The following FBRSL1 variants were observed in gnomAD, a reference collection of about 807,000 sequenced individuals.
FBRSL1 encodes fibrosin-1-like protein.
Under a neutral mutation model 89.6 loss-of-function variants are expected in FBRSL1, and 51 were observed. The observed-to-expected ratio is 0.57, with a 90% CI of 0.45 to 0.72. The LOEUF (loss-of-function observed/expected upper bound fraction) is 0.72, where lower values mean the gene tolerates loss of function less well. Among genes scored for constraint, FBRSL1 ranks in the 30% least tolerant of loss-of-function variants. The pLI is 0.00. For synonymous variants in FBRSL1, 779 were observed against 681.1 expected (o/e 1.14, Z -2.24); for missense variants, 1,618 against 1,451.8 (o/e 1.11, Z -1.86).
At chr12:132,559,588 T>TGG (rs200424512) in intron 5 of FBRSL1, among the ~76,000 whole-genome samples, 2 of 150,756 alleles carry the variant, frequency 1.3e-5, no homozygotes, top group African/African-American at 4.9e-5. Flanking sequence ...CGGGCGGGGG[T>TGG]GGGGGGTCTT....
intron 1 of FBRSL1, among the ~76,000 whole-genome samples, chr12:132,497,923 C>G (rs766268723): frequency 1.3e-5 from 2 of 152,188 alleles, no homozygotes; most frequent in African/African-American, 2.4e-5. Context: ...CTAGAGACCC[C>G]TCGGGCCTGG....
At chr12:132,576,718 C>T (rs1380346674) in intron 14 of FBRSL1, 81 bp from the exon 15 acceptor site, 1 of 1,473,778 alleles carries the variant, frequency 6.8e-7, no homozygotes, top group East Asian at 2.5e-5. Flanking sequence ...ACACCCAGTC[C>T]CTGTGGCCCC....
In FBRSL1 at chr12:132,520,361, T is replaced by C. The variant is rs993831434; in HGVS notation, c.490-5373T>C. On this transcript the variant is annotated intron_variant, in intron 2 of 18. Coordinates refer to ENST00000680143, the MANE Select transcript of FBRSL1 (RefSeq NM_001367871.1). The stretch of plus-strand genomic sequence containing the variant: ...CCCAGGGCTCTCCCATCTCTTTCTT[T>C]GCAGATGGCAATTTTCCCGAGGCAG... 2.6e-5 allele frequency among the ~76,000 whole-genome samples: 4 copies of C among 152,170 alleles called. No homozygotes were observed. In the East Asian group the frequency reaches 7.7e-4, roughly 29 times the overall value.
At position 132,547,856 on chromosome 12, in the gene FBRSL1, G is replaced by A. The variant is rs544496319; in HGVS notation, c.616-147G>A. The A allele has an allele frequency of 5.5e-4, 433 of 792,140 alleles. 6 individuals are homozygous for A. In the Middle Eastern group the frequency reaches 6.8e-3, roughly 12 times the overall value. The allele number at this position is 792,140 out of a possible 1,614,324, so 49.1% of individuals were successfully genotyped here. A position where few individuals can be genotyped will look rare whatever the true frequency, so the allele number is the denominator to read the frequency against. ...GGCCCAGGTTCCTCCTAACCGCCCC[G>A]ACCACCTGGGCCTGCTGGTACCTCC... On this transcript the variant is annotated intron_variant, in intron 4 of 18. Transcript: ENST00000680143.
At chr12:132,519,636 C>T (rs1029058964) in intron 2 of FBRSL1, among the ~76,000 whole-genome samples, 6 of 152,196 alleles carry the variant, frequency 3.9e-5, no homozygotes, top group Non-Finnish European at 8.8e-5. Context: ...CCTGGCTGGG[C>T]GCGGTGGCTC....
In FBRSL1 at chr12:132,546,228, C is replaced by T. The variant is rs566370834; in HGVS notation, c.616-1775C>T. ...ACTTTCCTCACCAAACACCAAGGCC[C>T]GCCCATATCACAGCAGGGGAGATGG... On this transcript the variant is annotated intron_variant, in intron 4 of 18. Transcript: ENST00000680143. This position sits in a 1 kb window ranked among gnomAD's most constrained non-coding sequence, Gnocchi z 4.0. Among the ~76,000 whole-genome samples, 33 of 152,382 alleles carry T rather than the reference C, an allele frequency of 2.2e-4. No individual in the cohort carries two copies. In the South Asian group the frequency reaches 5.2e-3, roughly 24 times the overall value.
chr12:132,523,095 G>A (rs896660045), intron 2 of FBRSL1, among the ~76,000 whole-genome samples: 1 of 152,110 alleles, frequency 6.6e-6, no homozygotes, highest in Non-Finnish European at 1.5e-5. Context: ...GGCAAAAGGG[G>A]CCCCCTCTGG....
Position 132,583,454 on chromosome 12 carries a change from CGAGCGCCTGCGCGGGGAGCTG to C in FBRSL1, c.2692_2712del (p.Leu898_Arg904del). The stretch of plus-strand genomic sequence containing the variant: ...ACCGCGAGCCCCACGGCTACAGCCC[CGAGCGCCTGCGCGGGGAGCTG>C]GAGCGCGCGCGGGCCCCGCACCTGC... On this transcript the variant is annotated inframe_deletion, in exon 19 of 19. Coordinates refer to ENST00000680143, the MANE Select transcript of FBRSL1 (RefSeq NM_001367871.1). 5.6e-6 allele frequency: 6 copies of C among 1,063,688 alleles called. No individual in the cohort carries two copies. Among genetic ancestry groups the C allele is most frequent in the Non-Finnish European group, 6.8e-6 (6 of 878,756 alleles). The allele number at this position is 1,063,688 out of a possible 1,614,324, so 65.9% of individuals were successfully genotyped here.
intron 5 of FBRSL1, among the ~76,000 whole-genome samples, chr12:132,558,703 T>C (rs929156881): frequency 6.6e-5 from 10 of 152,222 alleles, no homozygotes; most frequent in Non-Finnish European, 8.8e-5. Context: ...TGCAGAGGGC[T>C]CCATCGAACC....
At chr12:132,571,428 ACACCAGCACACG>A (rs2040000333) in intron 9 of FBRSL1, 197 bp downstream of exon 9, 3 of 1,550,670 alleles carry the variant, frequency 1.9e-6, no homozygotes, top group Non-Finnish European at 2.6e-6. Context: ...ACCAGCACAC[ACACCAGCACACG>A]CACCAACACA....
intron 1 of FBRSL1, among the ~76,000 whole-genome samples, chr12:132,495,775 C>T (rs1041071823): frequency 1.3e-5 from 2 of 152,224 alleles, no homozygotes; most frequent in Non-Finnish European, 2.9e-5. Flanking sequence ...TCGCTGGCCC[C>T]TCGGTCCACG....
chr12:132,582,102 C>T lies in FBRSL1; in HGVS notation c.2037C>T (p.Ser679=), dbSNP rs1034488379. 7.1e-6 allele frequency: 11 copies of T among 1,549,542 alleles called. No individual in the cohort carries two copies. The highest frequency in any genetic ancestry group is 2.4e-5 in the East Asian group (1 of 40,898). ...GSIFAPKEGS[S]VHGLPSPHEA... is the part of the protein sequence containing the mutation. ...TCTTTGCCCCCAAGGAGGGCTCCTC[C>T]GTGCACGGCCTGCCCAGCCCCCATG... Residue 679 remains serine, a synonymous_variant, in exon 18 of 19, where the codon TCC becomes TCT. Coordinates refer to ENST00000680143, the MANE Select transcript of FBRSL1 (RefSeq NM_001367871.1).
At chr12:132,580,225 C>T (rs1160675212) in intron 15 of FBRSL1, among the ~76,000 whole-genome samples, 3 of 152,162 alleles carry the variant, frequency 2.0e-5, no homozygotes, top group Admixed American at 6.5e-5. Flanking sequence ...GTGGCTGGGA[C>T]TACAGGCAGG....
chr12:132,566,486 A>T lies in FBRSL1; in HGVS notation c.646-995A>T, dbSNP rs7136851. ...TCATTCTTATGAAGCTCATTCCTGG[A>T]AACTGCCGTGAAGTCCCCCAGAGCA... On this transcript the variant is annotated intron_variant, in intron 5 of 18. Coordinates refer to ENST00000680143, the MANE Select transcript of FBRSL1 (RefSeq NM_001367871.1). 341 of 135,210 alleles carry T rather than the reference A, an allele frequency of 2.5e-3. 1 individual carries two copies. Among genetic ancestry groups the T allele is most frequent in the African/African-American group, 9.4e-3 (329 of 35,084 alleles). The allele number at this position is 135,210 out of a possible 1,614,324, so 8.4% of individuals were successfully genotyped here. A position where few individuals can be genotyped will look rare whatever the true frequency, so the allele number is the denominator to read the frequency against.
intron 3 of FBRSL1, among the ~76,000 whole-genome samples, chr12:132,527,533 C>A (rs1250346134): frequency 6.6e-6 from 1 of 152,240 alleles, no homozygotes; most frequent in African/African-American, 2.4e-5. Context: ...GGATGTCTCG[C>A]TGGTGGTCTT....
chr12:132,525,797 A>G lies in FBRSL1; in HGVS notation c.553A>G (p.Thr185Ala), dbSNP rs1593343383. 3.2e-6 allele frequency: 5 copies of G among 1,549,712 alleles called. No homozygotes were observed. Among genetic ancestry groups the G allele is most frequent in the Non-Finnish European group, 4.4e-6 (5 of 1,146,254 alleles). ...TGACGACGACAGCGTCCTCGAAGCC[A>G]CCAGCTCCCGGGACCCGCTCAGCGA... The part of the protein sequence containing the change: ...DSDDDSVLEA[T>A]SSRDPLSDSS... The change falls in exon 3 of 19, where the codon ACC becomes GCC. Residue 185 changes from threonine to alanine, a missense_variant. Physicochemically the swap from Thr to Ala is moderately conservative, Grantham distance 58 (BLOSUM62 0). Coordinates refer to ENST00000680143, the MANE Select transcript of FBRSL1 (RefSeq NM_001367871.1).
intron 2 of FBRSL1, among the ~76,000 whole-genome samples, chr12:132,517,473 G>T (rs1017777155): frequency 2.0e-5 from 3 of 152,240 alleles, no homozygotes; most frequent in Admixed American, 2.0e-4. Context: ...TTCCGCCCCT[G>T]TTCTGGGCCT....
chr12:132,502,269 G>GC (rs1209708573), intron 1 of FBRSL1, among the ~76,000 whole-genome samples: 5 of 152,198 alleles, frequency 3.3e-5, no homozygotes, highest in African/African-American at 1.2e-4. Flanking sequence ...CCCACTGGTG[G>GC]CCGGGGCAGG....
chr12:132,535,557 C>A (rs529266684), intron 4 of FBRSL1, among the ~76,000 whole-genome samples: 1 of 152,240 alleles, frequency 6.6e-6, no homozygotes, highest in Non-Finnish European at 1.5e-5. Flanking sequence ...CATCCCAGCT[C>A]TCCCAGAGAG....
Sources: gnomAD v4.1 joint callset for allele counts (sites outside exome capture counted in the v4.1 genomes callset) on GRCh38, gnomAD v4.1.1 for gene constraint, Gnocchi (gnomAD v3.1) non-coding constraint, MANE v1.5 for transcripts, NCBI Gene and HGNC (gene_info 2026-07-23, HGNC 2026-07-21) for gene names.